Variants in RBFOX1 observed in about 807,000 individuals in gnomAD.
RBFOX1 encodes RNA binding fox-1 homolog 1, also known as RNA binding protein fox-1 homolog 1.
A neutral mutation model predicts 57.7 loss-of-function variants in RBFOX1; 8 were observed. The observed-to-expected ratio is 0.14, with a 90% confidence interval of 0.08 to 0.25. The LOEUF (loss-of-function observed/expected upper bound fraction) is 0.25, where lower values mean the gene tolerates loss of function less well. Ranked by LOEUF, RBFOX1 falls within the 10% of genes least tolerant of loss-of-function variation. RBFOX1 has a pLI of 1.00. For synonymous variants in RBFOX1, 326 were observed against 222.4 expected, an observed-to-expected ratio of 1.47 and a Z score of -4.15; for missense variants, 611 against 548.5, an observed-to-expected ratio of 1.11 and a Z score of -1.14.
At chr16:7,364,903 T>C (rs1485487644) in intron 4 of RBFOX1, among the ~76,000 whole-genome samples, 1 of 152,218 alleles carries the variant, frequency 6.6e-6, no homozygotes, top group African/African-American at 2.4e-5. Context: ...TAGGAAGGTG[T>C]AATGGATACT....
At chr16:5,431,411 G>A (rs901405145) in intron 1 of RBFOX1, among the ~76,000 whole-genome samples, 6 of 152,206 alleles carry the variant, frequency 3.9e-5, no homozygotes, top group Non-Finnish European at 7.4e-5. Flanking sequence ...GTCTCGCTCT[G>A]TTACCCAGGC....
At chr16:6,491,928 A>AT (rs2095641268) in intron 2 of RBFOX1, among the ~76,000 whole-genome samples, 1 of 152,190 alleles carries the variant, frequency 6.6e-6, no homozygotes, top group East Asian at 1.9e-4. Flanking sequence ...TAACTCTCCT[A>AT]TTAGGATTAA....
At chr16:7,056,937 A>G (rs2153740563) in intron 4 of RBFOX1, among the ~76,000 whole-genome samples, 1 of 152,030 alleles carries the variant, frequency 6.6e-6, no homozygotes, top group South Asian at 2.1e-4. Flanking sequence ...AATGCTCCTT[A>G]GTGTCTCAAA....
chr16:5,897,391 T>G (rs930892021), intron 4 of RBFOX1, among the ~76,000 whole-genome samples: 1 of 152,182 alleles, frequency 6.6e-6, no homozygotes. Context: ...TCTCTGCATC[T>G]TTATCCACCC....
intron 2 of RBFOX1, among the ~76,000 whole-genome samples, chr16:6,599,703 TCTC>T (rs1434006700): frequency 6.6e-6 from 1 of 152,104 alleles, no homozygotes; most frequent in African/African-American, 2.4e-5. Flanking sequence ...GAGCCGAACT[TCTC>T]CACTACTCTG....
intron 1 of RBFOX1, among the ~76,000 whole-genome samples, chr16:5,376,174 A>T (rs1477212452): frequency 2.2e-5 from 3 of 137,784 alleles, no homozygotes; most frequent in Non-Finnish European, 4.5e-5. Flanking sequence ...TCTCAAAAGA[A>T]AAAAAAAAAA....
At chr16:7,066,523 G>C (rs902032054) in intron 4 of RBFOX1, among the ~76,000 whole-genome samples, 1 of 152,202 alleles carries the variant, frequency 6.6e-6, no homozygotes, top group East Asian at 1.9e-4. Context: ...GCTACCAAAT[G>C]AGCTGAGTAT....
intron 1 of RBFOX1, among the ~76,000 whole-genome samples, chr16:6,100,381 C>G (rs2152554702): frequency 6.6e-6 from 1 of 152,268 alleles, no homozygotes; most frequent in South Asian, 2.1e-4. Flanking sequence ...CCAGGATGGT[C>G]TCGATTTCCT....
intron 4 of RBFOX1, among the ~76,000 whole-genome samples, chr16:7,067,073 C>G (rs1165663862): frequency 6.6e-6 from 1 of 152,158 alleles, no homozygotes; most frequent in East Asian, 1.9e-4. Flanking sequence ...AAGGGACACA[C>G]ACAGAATCTA....
intron 4 of RBFOX1, among the ~76,000 whole-genome samples, chr16:5,991,571 T>A (rs1567229308): frequency 6.6e-6 from 1 of 152,020 alleles, no homozygotes. Flanking sequence ...TACTCAATGA[T>A]CGCAGTGGAG....
Position 7,233,836 on chromosome 16 carries a change from C to G in RBFOX1, c.27+181738C>G, listed in dbSNP as rs147762692. 4.8e-3 allele frequency among the ~76,000 whole-genome samples: 727 copies of G among 152,250 alleles called. 9 individuals are homozygous for G. Among genetic ancestry groups the G allele is most frequent in the African/African-American group, 0.017 (699 of 41,546 alleles). On this transcript the variant is annotated intron_variant, in intron 4 of 15. Coordinates refer to ENST00000550418, the MANE Select transcript of RBFOX1 (RefSeq NM_018723.4). Reference sequence around the variant, plus strand: ...TAATGGAGTCTTACTAAGGGCAAAGCTAATTGACAACAAGGTTTATTTCTG... The same window carrying G: ...TAATGGAGTCTTACTAAGGGCAAAGGTAATTGACAACAAGGTTTATTTCTG...
chr16:6,077,654 C>T (rs8054200), intron 1 of RBFOX1, among the ~76,000 whole-genome samples: 7,692 of 150,228 alleles, frequency 0.051, 510 homozygotes, highest in African/African-American at 0.16. Flanking sequence ...TTTTCCCCTG[C>T]GCTCTTGCGT....
At chr16:7,029,061 T>TAC (rs1568438917) in intron 3 of RBFOX1, among the ~76,000 whole-genome samples, 1 of 30,914 alleles carries the variant, frequency 3.2e-5, no homozygotes, top group Admixed American at 4.4e-4. Flanking sequence ...TATATATATA[T>TAC]ATATATATAT....
chr16:6,757,742 A>G (rs1317513895), intron 3 of RBFOX1, among the ~76,000 whole-genome samples: 1 of 152,184 alleles, frequency 6.6e-6, no homozygotes, highest in African/African-American at 2.4e-5. Context: ...TAGTATGGTG[A>G]TGATGGTTAA....
chr16:6,778,643 G>C (rs906071668), intron 3 of RBFOX1, among the ~76,000 whole-genome samples: 1 of 152,040 alleles, frequency 6.6e-6, no homozygotes, highest in Non-Finnish European at 1.5e-5. Flanking sequence ...GAGTTCCTTA[G>C]TCTATAAAGA....
intron 4 of RBFOX1, among the ~76,000 whole-genome samples, chr16:7,504,727 A>ATT (rs1423711705): frequency 6.9e-4 from 4 of 5,758 alleles, no homozygotes; most frequent in East Asian, 6.8e-3. Context: ...ATATATATAT[A>ATT]TATATATATA....
chr16:7,040,217 C>T (rs2045734706), intron 3 of RBFOX1, among the ~76,000 whole-genome samples: 1 of 151,866 alleles, frequency 6.6e-6, no homozygotes, highest in African/African-American at 2.4e-5. Context: ...GACGGGGTTT[C>T]ACCATGTTGG....
chr16:7,668,539 C>G (rs1193791501), intron 13 of RBFOX1, among the ~76,000 whole-genome samples: 1 of 152,046 alleles, frequency 6.6e-6, no homozygotes, highest in Admixed American at 6.6e-5. Context: ...TGCCTCTAGC[C>G]ACAGTGGAGA....
At chr16:6,475,763 C>T (rs1167223757) in intron 2 of RBFOX1, among the ~76,000 whole-genome samples, 2 of 152,070 alleles carry the variant, frequency 1.3e-5, no homozygotes, top group Non-Finnish European at 2.9e-5. Context: ...TTGCTTTGTG[C>T]TTTTCTACAG....
Sources: gnomAD v4.1 joint callset for allele counts (sites outside exome capture counted in the v4.1 genomes callset) on GRCh38, gnomAD v4.1.1 for gene constraint, MANE v1.5 for transcripts, NCBI Gene and HGNC (gene_info 2026-07-23, HGNC 2026-07-21) for gene names.